The following GRID1 variants were observed in gnomAD, a reference collection of about 807,000 sequenced individuals.
The protein encoded by GRID1 is glutamate receptor ionotropic, delta-1.
Under a neutral mutation model 98.0 loss-of-function variants are expected in GRID1, and 28 were observed. The observed-to-expected ratio is 0.29, with a 90% CI of 0.21 to 0.39. The LOEUF (loss-of-function observed/expected upper bound fraction) is 0.39. Ranked by LOEUF, GRID1 falls within the 10% of genes least tolerant of loss-of-function variation. The probability of loss-of-function intolerance (pLI) is 1.00; values close to 1 mark genes in which losing one functional copy is unlikely to be tolerated. For missense variants in GRID1, 1,111 were observed against 1,340.5 expected (o/e 0.83, Z 2.67); for synonymous variants, 553 against 538.5 (o/e 1.03, Z -0.37).
At chr10:85,728,548 C>A (rs1564572237) in intron 9 of GRID1, among the ~76,000 whole-genome samples, 1 of 152,166 alleles carries the variant, frequency 6.6e-6, no homozygotes, top group Non-Finnish European at 1.5e-5. Flanking sequence ...GATTAACTGA[C>A]CAAGGCCAGA....
intron 3 of GRID1, among the ~76,000 whole-genome samples, chr10:86,166,213 G>A (rs868750222): frequency 7.9e-5 from 12 of 152,198 alleles, no homozygotes; most frequent in African/African-American, 2.4e-4. Flanking sequence ...TGCTGCACCC[G>A]TTAACTCGTC....
intron 2 of GRID1, among the ~76,000 whole-genome samples, chr10:86,358,962 T>C (rs1848568105): frequency 6.6e-6 from 1 of 152,010 alleles, no homozygotes; most frequent in African/African-American, 2.4e-5. Context: ...GGCCAGGGGC[T>C]GAGGAATCCA....
intron 2 of GRID1, among the ~76,000 whole-genome samples, chr10:86,319,856 C>G (rs1373837317): frequency 2.0e-5 from 3 of 152,230 alleles, no homozygotes; most frequent in Non-Finnish European, 4.4e-5. Context: ...CTCCTAGGAT[C>G]AGATATTAGA....
intron 4 of GRID1, among the ~76,000 whole-genome samples, chr10:86,048,911 A>T (rs571566986): frequency 1.3e-5 from 2 of 152,280 alleles, no homozygotes; most frequent in East Asian, 3.9e-4. Context: ...TTCTCTACAA[A>T]ATGGAAATGG....
At chr10:86,330,022 T>C (rs1340994379) in intron 2 of GRID1, among the ~76,000 whole-genome samples, 1 of 152,042 alleles carries the variant, frequency 6.6e-6, no homozygotes, top group Non-Finnish European at 1.5e-5. Context: ...CCAGCAGGAC[T>C]TTCCTCCCCT....
chr10:86,329,137 G>A (rs1848100277), intron 2 of GRID1, among the ~76,000 whole-genome samples: 2 of 152,222 alleles, frequency 1.3e-5, no homozygotes, highest in Non-Finnish European at 2.9e-5. Flanking sequence ...CCCACATGCA[G>A]GGACAGCTTC....
intron 8 of GRID1, among the ~76,000 whole-genome samples, chr10:85,774,300 C>A (rs1360325003): frequency 6.6e-6 from 1 of 152,188 alleles, no homozygotes. Context: ...GGATCCCTTC[C>A]TTACACCTTA....
At chr10:85,759,713 T>C (rs1304356492) in intron 8 of GRID1, among the ~76,000 whole-genome samples, 1 of 152,240 alleles carries the variant, frequency 6.6e-6, no homozygotes, top group South Asian at 2.1e-4. Flanking sequence ...TGCATAATTA[T>C]GTACATTTAA....
At chr10:85,790,235 C>T (rs866649547) in intron 8 of GRID1, among the ~76,000 whole-genome samples, 30 of 152,160 alleles carry the variant, frequency 2.0e-4, no homozygotes, top group African/African-American at 6.0e-4. Context: ...CCTGTCATTC[C>T]CCAGCACCTG....
chr10:85,861,121 G>T (rs1305383269), intron 6 of GRID1, among the ~76,000 whole-genome samples: 3 of 152,222 alleles, frequency 2.0e-5, no homozygotes, highest in Admixed American at 6.5e-5. Flanking sequence ...GTCAGCACCA[G>T]TCTGGATGCA....
rs780473489 is a variant in GRID1 at position 85,738,273 on chromosome 10, C to T, written c.1234-8659G>A. ...AAGACATGTGATAGGCCAATATGCACATGAAAACATACATGCTCCATATCA... is the reference window on the plus strand; with the variant it reads ...AAGACATGTGATAGGCCAATATGCATATGAAAACATACATGCTCCATATCA... On this transcript the variant is annotated intron_variant, in intron 8 of 15. Transcript: ENST00000327946. Among the ~76,000 whole-genome samples the T allele has an allele frequency of 3.9e-5, 6 of 152,278 alleles. No homozygotes were observed. The East Asian group carries it at 9.7e-4, about 25-fold the overall frequency.
chr10:85,774,112 G>T (rs1842303215), intron 8 of GRID1, among the ~76,000 whole-genome samples: 2 of 152,174 alleles, frequency 1.3e-5, no homozygotes, highest in Admixed American at 6.5e-5. Flanking sequence ...GCATGGTACT[G>T]GTACCAAAAC....
chr10:86,046,247 G>A (rs1024052822), intron 4 of GRID1, among the ~76,000 whole-genome samples: 2 of 152,178 alleles, frequency 1.3e-5, no homozygotes, highest in African/African-American at 4.8e-5. Flanking sequence ...AAAAGTAGGT[G>A]TGAATATGAC....
At position 86,363,997 on chromosome 10, in the gene GRID1, A is replaced by G. The variant is rs1201850688; in HGVS notation, c.179T>C (p.Ile60Thr). The G allele has an allele frequency of 6.2e-7, 1 of 1,614,026 alleles. No individual in the cohort carries two copies. Among genetic ancestry groups the G allele is most frequent in the Non-Finnish European group, 8.5e-7 (1 of 1,179,896 alleles). ...LNDDILQSEK[I>T]TYSIKVIEAN... ...CTCGATGACCTTGATGGAGTAGGTG[A>G]TCTTCTCGCTCTGCAGGATGTCATC... Residue 60 changes from isoleucine to threonine, a missense_variant, in exon 2 of 16, where the codon ATC (isoleucine) becomes ACC (threonine). By Grantham distance (89) the Ile-to-Thr change is moderately conservative (BLOSUM62 -1). Coordinates refer to ENST00000327946, the MANE Select transcript of GRID1 (RefSeq NM_017551.3).
chr10:86,337,604 C>A (rs1488529190), intron 2 of GRID1, among the ~76,000 whole-genome samples: 1 of 152,016 alleles, frequency 6.6e-6, no homozygotes, highest in East Asian at 1.9e-4. Flanking sequence ...AAGAACTGCT[C>A]CTCGTGGTGG....
intron 8 of GRID1, among the ~76,000 whole-genome samples, chr10:85,834,858 ACTTAT>A (rs1171906053): frequency 6.6e-6 from 1 of 152,212 alleles, no homozygotes; most frequent in Non-Finnish European, 1.5e-5. Flanking sequence ...AAACAACAAT[ACTTAT>A]CTTAAGGATG....
At chr10:85,692,929 G>C (rs1841350013) in intron 12 of GRID1, among the ~76,000 whole-genome samples, 1 of 152,160 alleles carries the variant, frequency 6.6e-6, no homozygotes, top group African/African-American at 2.4e-5. Flanking sequence ...GGCTGTAAAG[G>C]TGGCTATGAT....
rs1458149935 is a variant in GRID1, at chr10:86,192,041, AG to A, written c.520+14322del. On this transcript the variant is annotated intron_variant, in intron 3 of 15. Coordinates refer to ENST00000327946, the MANE Select transcript of GRID1 (RefSeq NM_017551.3). The surrounding 1 kb of genome is among the most constrained non-coding windows in gnomAD (Gnocchi z 4.8). ...TCCTTAAGGAGAGGGGGAGACATTC[AG>A]GGGTCTAAGCAGGGCAGTGAGTTAA... Among the ~76,000 whole-genome samples the A allele has an allele frequency of 6.6e-6, 1 of 152,178 alleles. No individual in the cohort carries two copies. The highest frequency in any genetic ancestry group is 1.5e-5 in the Non-Finnish European group (1 of 68,022).
At chr10:85,881,749 G>T (rs2131803544) in intron 5 of GRID1, among the ~76,000 whole-genome samples, 1 of 152,196 alleles carries the variant, frequency 6.6e-6, no homozygotes, top group African/African-American at 2.4e-5. Flanking sequence ...AAAAGCAATG[G>T]CAACAAAAGC....
Sources: gnomAD v4.1 joint callset for allele counts (sites outside exome capture counted in the v4.1 genomes callset) on GRCh38, gnomAD v4.1.1 for gene constraint, Gnocchi (gnomAD v3.1) non-coding constraint, MANE v1.5 for transcripts, NCBI Gene and HGNC (gene_info 2026-07-23, HGNC 2026-07-21) for gene names.